Variants in SERINC5 observed in about 807,000 individuals in gnomAD.
SERINC5 encodes chromosome 5 open reading frame 12.
A neutral mutation model predicts 63.1 loss-of-function variants in SERINC5; 41 were observed. The ratio of observed to expected loss-of-function variants is 0.65; its 90% CI spans 0.51 to 0.84. The LOEUF is 0.84. Ranked by LOEUF, SERINC5 falls within the 40% of genes least tolerant of loss-of-function variation. SERINC5 has a pLI of 0.00. For synonymous variants in SERINC5, 222 were observed against 215.2 expected, an observed-to-expected ratio of 1.03 and a Z score of -0.28; for missense variants, 523 against 573.0, an observed-to-expected ratio of 0.91 and a Z score of 0.89.
intron 1 of SERINC5, among the ~76,000 whole-genome samples, chr5:80,210,650 T>C (rs1244522404): frequency 6.6e-6 from 1 of 152,124 alleles, no homozygotes; most frequent in East Asian, 1.9e-4. Flanking sequence ...TGTACCTTAA[T>C]CATAAAAGGG....
At chr5:80,138,657 T>G (rs1272139504), downstream of SERINC5, 3 of 216,830 alleles carry the variant, frequency 1.4e-5, no homozygotes, top group African/African-American at 2.4e-5. Context: ...CACAAAAACA[T>G]GAGGTAATGC....
intron 1 of SERINC5, among the ~76,000 whole-genome samples, chr5:80,207,363 G>C (rs1053911452): frequency 1.3e-5 from 2 of 152,150 alleles, no homozygotes; most frequent in African/African-American, 4.8e-5. Flanking sequence ...GGGAAAATAA[G>C]TATTTTGGAA....
At position 80,142,381 on chromosome 5, in the gene SERINC5, C is replaced by T. The variant is rs546380310; in HGVS notation, c.*1282G>A. ...TCGAGTAGCTGGCATTACAGGCACA[C>T]GCTACCATGCCCGGCTAATTTTTCT... On this transcript the variant is annotated 3_prime_UTR_variant, in exon 12 of 12. Coordinates refer to ENST00000507668, the MANE Select transcript of SERINC5 (RefSeq NM_001174072.3). 45 of 847,946 alleles carry T rather than the reference C, an allele frequency of 5.3e-5. No individual in the cohort carries two copies. Among genetic ancestry groups the T allele is most frequent in the African/African-American group, 9.2e-5 (5 of 54,456 alleles). 52.5% of individuals were successfully genotyped at this position (847,946 alleles called of 1,614,324 possible).
At chr5:80,189,094 G>A (rs1297966796) in intron 2 of SERINC5, among the ~76,000 whole-genome samples, 2 of 152,128 alleles carry the variant, frequency 1.3e-5, no homozygotes, top group Non-Finnish European at 2.9e-5. Flanking sequence ...CATGTAAAGT[G>A]TTGAGAAGGA....
intron 3 of SERINC5, 26 bp from the exon 4 acceptor site, chr5:80,177,423 G>T (rs1419742442): frequency 3.8e-6 from 6 of 1,570,558 alleles, no homozygotes; most frequent in Non-Finnish European, 4.4e-6. Context: ...AAAAAAAGAG[G>T]AAATGTATTT....
intron 4 of SERINC5, among the ~76,000 whole-genome samples, chr5:80,175,665 C>T (rs564097830): frequency 7.9e-4 from 119 of 150,980 alleles, no homozygotes; most frequent in African/African-American, 1.9e-3. Flanking sequence ...GGTCAGGAGT[C>T]GGAAACCAGC....
intron 1 of SERINC5, among the ~76,000 whole-genome samples, chr5:80,244,552 C>T (rs1414076830): frequency 1.3e-5 from 2 of 151,684 alleles, no homozygotes; most frequent in East Asian, 4.0e-4. Flanking sequence ...TGGTCTCGGC[C>T]GGGCACAGTG....
At chr5:80,186,129 A>G (rs1362406958) in intron 2 of SERINC5, among the ~76,000 whole-genome samples, 2 of 30,626 alleles carry the variant, frequency 6.5e-5, no homozygotes, top group African/African-American at 3.5e-4. Context: ...TTGTTTTGAA[A>G]AAAAAAAAAA....
At chr5:80,248,886 T>C (rs1752272917) in intron 1 of SERINC5, among the ~76,000 whole-genome samples, 2 of 152,210 alleles carry the variant, frequency 1.3e-5, no homozygotes, top group African/African-American at 4.8e-5. Context: ...ATATTGTCAA[T>C]GATGCCATCT....
At chr5:80,157,396 C>A (rs916271448) in intron 8 of SERINC5, 1 of 152,054 alleles carries the variant, frequency 6.6e-6, no homozygotes, top group African/African-American at 2.4e-5. Context: ...CAGGGTCTCA[C>A]TCGGTTGCTT....
chr5:80,163,164 C>T (rs1032814027), intron 7 of SERINC5, among the ~76,000 whole-genome samples: 7 of 151,904 alleles, frequency 4.6e-5, no homozygotes, highest in African/African-American at 1.7e-4. Context: ...CAAAACACTA[C>T]TAATTTTTGT....
At chr5:80,116,342 T>C (rs1433287611) in intron 11 of SERINC5, 1 of 456,104 alleles carries the variant, frequency 2.2e-6, no homozygotes, top group Non-Finnish European at 4.4e-6. Flanking sequence ...AAAATAGAAA[T>C]CAAAATCTCA....
chr5:80,168,470 G>A (rs1317248902), intron 6 of SERINC5, among the ~76,000 whole-genome samples: 3 of 152,192 alleles, frequency 2.0e-5, no homozygotes, highest in Non-Finnish European at 2.9e-5. Context: ...CAAAGTGCTG[G>A]GATTACAGGC....
intron 1 of SERINC5, among the ~76,000 whole-genome samples, chr5:80,228,908 C>A (rs1751292732): frequency 6.7e-6 from 1 of 149,644 alleles, no homozygotes; most frequent in African/African-American, 2.4e-5. Flanking sequence ...TGACAAGAAA[C>A]AAGAACAAAA....
chr5:80,166,487 T>C lies in SERINC5; in HGVS notation c.764-9A>G, dbSNP rs375707274. The stretch of plus-strand genomic sequence containing the variant: ...CCCCGAGTGTGGCTGTCCTGAAAAG[T>C]GACAAGAGACAGACAACAGGTTTTA... On this transcript the variant is annotated splice_polypyrimidine_tract_variant and intron_variant, in intron 6 of 11. Coordinates refer to ENST00000507668, the MANE Select transcript of SERINC5 (RefSeq NM_001174072.3). 7 of 1,562,808 alleles carry C rather than the reference T, an allele frequency of 4.5e-6. No homozygotes were observed. Among genetic ancestry groups the C allele is most frequent in the Non-Finnish European group, 6.1e-6 (7 of 1,149,390 alleles).
downstream of SERINC5, among the ~76,000 whole-genome samples, chr5:80,136,522 C>T (rs1745185520): frequency 6.6e-6 from 1 of 152,016 alleles, no homozygotes; most frequent in Admixed American, 6.5e-5. Context: ...TATTTCATAC[C>T]ATATTAAAAA....
chr5:80,164,492 C>T (rs1747141470), intron 7 of SERINC5, among the ~76,000 whole-genome samples: 2 of 152,100 alleles, frequency 1.3e-5, no homozygotes, highest in Admixed American at 6.5e-5. Flanking sequence ...AGTGATCCTC[C>T]CACCTCAGCC....
At chr5:80,249,115 C>T (rs1305573203) in intron 1 of SERINC5, among the ~76,000 whole-genome samples, 3 of 151,846 alleles carry the variant, frequency 2.0e-5, no homozygotes, top group Non-Finnish European at 2.9e-5. Context: ...GAGATCGAGA[C>T]CATCCTGACT....
chr5:80,146,813 T>TA (rs1745857102), intron 10 of SERINC5, among the ~76,000 whole-genome samples: 1 of 152,310 alleles, frequency 6.6e-6, no homozygotes, highest in Non-Finnish European at 1.5e-5. Flanking sequence ...ACGTAAAACT[T>TA]ACTATAAGCT....
Sources: allele counts gnomAD v4.1 joint callset (sites outside exome capture counted in the v4.1 genomes callset), GRCh38; gene constraint gnomAD v4.1.1; transcripts MANE v1.5; gene names NCBI Gene and HGNC (gene_info 2026-07-23, HGNC 2026-07-21).